Variants in PTPRD observed in about 807,000 individuals in gnomAD.
PTPRD encodes receptor-type tyrosine-protein phosphatase delta.
A neutral mutation model predicts 214.5 loss-of-function variants in PTPRD; 34 were observed. The ratio of observed to expected loss-of-function variants is 0.16; its 90% CI spans 0.12 to 0.21. The LOEUF is 0.21. Among genes scored for constraint, PTPRD ranks in the 10% least tolerant of loss-of-function variants. The pLI is 1.00. For missense variants in PTPRD, 2,545 were observed against 2,398.7 expected (o/e 1.06, Z -1.27); for synonymous variants, 1,128 against 845.7 (o/e 1.33, Z -5.79).
intron 11 of PTPRD, among the ~76,000 whole-genome samples, chr9:8,802,781 G>C (rs1228041486): frequency 1.3e-5 from 2 of 152,164 alleles, no homozygotes; most frequent in African/African-American, 4.8e-5. Context: ...GCTAGGAGTG[G>C]TGGCTTAAAC....
intron 9 of PTPRD, among the ~76,000 whole-genome samples, chr9:9,345,926 T>C (rs2048627986): frequency 6.6e-6 from 1 of 152,174 alleles, no homozygotes; most frequent in Non-Finnish European, 1.5e-5. Flanking sequence ...CTCTTTGATA[T>C]TTCAATGTAC....
At chr9:10,594,874 T>C (rs1373879450) in intron 2 of PTPRD, among the ~76,000 whole-genome samples, 2 of 151,982 alleles carry the variant, frequency 1.3e-5, no homozygotes, top group South Asian at 2.1e-4. Context: ...AAATGAAAAA[T>C]GCTACTTAGT....
chr9:9,778,449 A>C (rs1270732257), intron 5 of PTPRD, among the ~76,000 whole-genome samples: 1 of 152,116 alleles, frequency 6.6e-6, no homozygotes, highest in South Asian at 2.1e-4. Context: ...CTCCAGCAAA[A>C]AGTAGCCATA....
At chr9:8,589,698 C>A (rs1257535581) in intron 14 of PTPRD, among the ~76,000 whole-genome samples, 1 of 152,050 alleles carries the variant, frequency 6.6e-6, no homozygotes, top group Non-Finnish European at 1.5e-5. Context: ...TGGATAGTAT[C>A]CTGGTACTTG....
intron 10 of PTPRD, among the ~76,000 whole-genome samples, chr9:9,089,837 T>TA (rs1160847790): frequency 1.3e-5 from 2 of 152,092 alleles, no homozygotes; most frequent in Non-Finnish European, 2.9e-5. Context: ...AAGCAGAAGG[T>TA]AAAAAAAGTA....
At chr9:9,158,934 C>T (rs1005030029) in intron 10 of PTPRD, among the ~76,000 whole-genome samples, 3 of 152,114 alleles carry the variant, frequency 2.0e-5, no homozygotes, top group Non-Finnish European at 4.4e-5. Flanking sequence ...TGATACACCA[C>T]AGTAACAAAA....
At chr9:9,489,092 G>T (rs2095789757) in intron 8 of PTPRD, among the ~76,000 whole-genome samples, 1 of 152,036 alleles carries the variant, frequency 6.6e-6, no homozygotes, top group Admixed American at 6.6e-5. Flanking sequence ...TCTTTTAAAA[G>T]CCTTATGAAA....
At chr9:10,405,483 C>T (rs1249525312) in intron 2 of PTPRD, among the ~76,000 whole-genome samples, 1 of 150,854 alleles carries the variant, frequency 6.6e-6, no homozygotes, top group Non-Finnish European at 1.5e-5. Context: ...AACACAGTTG[C>T]CACAGTACAA....
chr9:9,689,528 T>C (rs192765333), intron 7 of PTPRD, among the ~76,000 whole-genome samples: 1 of 152,026 alleles, frequency 6.6e-6, no homozygotes, highest in African/African-American at 2.4e-5. Context: ...AAATGTACTA[T>C]AGATTATTGT....
intron 3 of PTPRD, among the ~76,000 whole-genome samples, chr9:10,314,261 G>T (rs539354878): frequency 2.6e-5 from 4 of 151,888 alleles, no homozygotes; most frequent in African/African-American, 9.6e-5. Context: ...GATAGGACAG[G>T]AGAAAAAGCC....
At chr9:9,799,324 T>C (rs2099023732) in intron 5 of PTPRD, 2 of 152,082 alleles carry the variant, frequency 1.3e-5, no homozygotes, top group Non-Finnish European at 2.9e-5. Flanking sequence ...AATGAGTTAA[T>C]CAATAGAATA....
chr9:9,891,979 G>A (rs114003312), intron 5 of PTPRD, among the ~76,000 whole-genome samples: 2,800 of 152,142 alleles, frequency 0.018, 88 homozygotes, highest in African/African-American at 0.064. Context: ...CTAGAAAACA[G>A]AAATGGCCCT....
chr9:9,972,817 T>C (rs2095187105), intron 4 of PTPRD, among the ~76,000 whole-genome samples: 1 of 152,156 alleles, frequency 6.6e-6, no homozygotes, highest in South Asian at 2.1e-4. Flanking sequence ...TATCTCCTAC[T>C]ACTAACTCTG....
At chr9:10,609,800 CCATAAA>C (rs1284587995) in intron 2 of PTPRD, among the ~76,000 whole-genome samples, 9 of 151,964 alleles carry the variant, frequency 5.9e-5, no homozygotes, top group African/African-American at 1.9e-4. Flanking sequence ...GCCTTGAGTT[CCATAAA>C]ATATAAGACC....
chr9:8,979,694 C>T lies in PTPRD; in HGVS notation c.-104+39003G>A, dbSNP rs549339342. 3.3e-5 allele frequency among the ~76,000 whole-genome samples: 5 copies of T among 152,138 alleles called. No homozygotes were observed. The South Asian group carries it at 1.0e-3, about 32-fold the overall frequency. On this transcript the variant is annotated intron_variant, in intron 11 of 45. Transcript: ENST00000381196. ...AATTAAAACCAGTATCAGATATTAC[C>T]TCACAACCATAAGGATGGCTTTTAT... is the stretch of plus-strand genomic sequence containing the variant.
intron 11 of PTPRD, among the ~76,000 whole-genome samples, chr9:8,972,942 G>T (rs2154334116): frequency 6.6e-6 from 1 of 150,794 alleles, no homozygotes; most frequent in East Asian, 2.0e-4. Flanking sequence ...TAGACTAGTA[G>T]ATAAAATTTA....
chr9:9,094,953 A>T (rs1338219176), intron 10 of PTPRD, among the ~76,000 whole-genome samples: 3 of 152,188 alleles, frequency 2.0e-5, no homozygotes, highest in African/African-American at 7.2e-5. Flanking sequence ...CAAATCTAGC[A>T]AATAGACAAA....
At chr9:9,642,801 G>T (rs541511739) in intron 7 of PTPRD, among the ~76,000 whole-genome samples, 6 of 152,222 alleles carry the variant, frequency 3.9e-5, no homozygotes, top group Admixed American at 2.0e-4. Flanking sequence ...TGCAAAACAG[G>T]TATTATTATT....
At chr9:9,364,264 C>G (rs531228975) in intron 9 of PTPRD, among the ~76,000 whole-genome samples, 1 of 151,460 alleles carries the variant, frequency 6.6e-6, no homozygotes, top group South Asian at 2.1e-4. Flanking sequence ...ACTCAGAATT[C>G]ATATACAGGC....
Sources: allele counts gnomAD v4.1 joint callset (sites outside exome capture counted in the v4.1 genomes callset), GRCh38; gene constraint gnomAD v4.1.1; transcripts MANE v1.5; gene names NCBI Gene and HGNC (gene_info 2026-07-23, HGNC 2026-07-21).